SEMA5A: variants seen among roughly 807,000 people sequenced by gnomAD.
SEMA5A encodes semaphorin-5A.
Under a neutral mutation model 135.5 loss-of-function variants are expected in SEMA5A, and 55 were observed. That is an observed-to-expected ratio of 0.41 (90% CI 0.33 to 0.51). SEMA5A has a LOEUF of 0.51. SEMA5A is among the 20% of genes least tolerant of loss of function. The probability of loss-of-function intolerance (pLI) is 0.37; values close to 1 mark genes in which losing one functional copy is unlikely to be tolerated. For synonymous variants in SEMA5A, 580 were observed against 546.5 expected (o/e 1.06, Z -0.85); for missense variants, 1,290 against 1,419.9 (o/e 0.91, Z 1.47).
intron 15 of SEMA5A, among the ~76,000 whole-genome samples, 195 bp from the exon 16 acceptor site, chr5:9,108,482 G>A (rs1262151789): frequency 6.6e-6 from 1 of 152,152 alleles, no homozygotes; most frequent in African/African-American, 2.4e-5. Flanking sequence ...CACAGACAAT[G>A]GGATGCATGG....
At chr5:9,355,858 T>C (rs1308528921) in intron 3 of SEMA5A, among the ~76,000 whole-genome samples, 2 of 152,166 alleles carry the variant, frequency 1.3e-5, no homozygotes, top group African/African-American at 4.8e-5. Flanking sequence ...AATGAATGAA[T>C]AAAGCCCACA....
At chr5:9,234,206 G>A (rs749971981) in intron 6 of SEMA5A, among the ~76,000 whole-genome samples, 15 of 152,302 alleles carry the variant, frequency 9.8e-5, no homozygotes, top group African/African-American at 3.4e-4. Context: ...ATGGGGAAAT[G>A]TGGGTTGTCT....
At chr5:9,386,123 T>A (rs140382094) in intron 2 of SEMA5A, among the ~76,000 whole-genome samples, 2 of 152,292 alleles carry the variant, frequency 1.3e-5, no homozygotes, top group Non-Finnish European at 2.9e-5. Flanking sequence ...CAAATGTTTG[T>A]TTTTGCATTT....
chr5:9,237,468 T>A (rs949443021), intron 6 of SEMA5A, among the ~76,000 whole-genome samples: 1 of 152,224 alleles, frequency 6.6e-6, no homozygotes, highest in African/African-American at 2.4e-5. Context: ...GTCATATCAT[T>A]ACTTTCTAGA....
chr5:9,112,936 C>T (rs139216158), intron 15 of SEMA5A, among the ~76,000 whole-genome samples: 1,563 of 152,274 alleles, frequency 0.01, 11 homozygotes, highest in Middle Eastern at 0.02. Context: ...ACCCAGTTGT[C>T]AAGGAATTGA....
At chr5:9,214,157 G>A (rs551887915) in intron 8 of SEMA5A, among the ~76,000 whole-genome samples, 55 of 152,274 alleles carry the variant, frequency 3.6e-4, no homozygotes, top group African/African-American at 1.1e-3. Flanking sequence ...GGCAGAATGC[G>A]CCCCCGAAAC....
At chr5:9,269,070 C>G (rs1242573545) in intron 5 of SEMA5A, among the ~76,000 whole-genome samples, 1 of 152,102 alleles carries the variant, frequency 6.6e-6, no homozygotes, top group Non-Finnish European at 1.5e-5. Flanking sequence ...CATCCCTCTG[C>G]AACAACACAC....
At chr5:9,045,171 T>A (rs193123990) in intron 21 of SEMA5A, among the ~76,000 whole-genome samples, 10 of 152,246 alleles carry the variant, frequency 6.6e-5, no homozygotes, top group Non-Finnish European at 1.0e-4. Context: ...AGAAGCATGT[T>A]TTTATTATTA....
At chr5:9,421,466 G>A (rs1757465950) in intron 2 of SEMA5A, among the ~76,000 whole-genome samples, 1 of 152,118 alleles carries the variant, frequency 6.6e-6, no homozygotes. Flanking sequence ...ATATATGTAT[G>A]CTGGTATTTT....
intron 15 of SEMA5A, among the ~76,000 whole-genome samples, chr5:9,110,661 G>T (rs376827506): frequency 1.1e-4 from 17 of 152,302 alleles, no homozygotes; most frequent in South Asian, 8.3e-4. Flanking sequence ...TGATGTGTAG[G>T]GGGTGAAGGA....
chr5:9,275,693 C>T (rs1314585394), intron 5 of SEMA5A, among the ~76,000 whole-genome samples: 2 of 152,084 alleles, frequency 1.3e-5, no homozygotes, highest in African/African-American at 2.4e-5. Flanking sequence ...ACAAATCAGT[C>T]AAGGTAATCC....
rs550493529 is a variant in SEMA5A, at chr5:9,379,687, C to T, written c.124+136G>A. On this transcript the variant is annotated intron_variant, in intron 3 of 22. Transcript: ENST00000382496. ...AATGATAGAGGCTTTTGTAGTTTTA[C>T]CTTTATTTTAAACTGTGTCTGAAAC... The T allele has an allele frequency of 6.4e-6, 7 of 1,092,332 alleles. No individual in the cohort carries two copies. In the East Asian group the frequency reaches 1.7e-4, roughly 27 times the overall value. The allele number at this position is 1,092,332 out of a possible 1,614,324, so 67.7% of individuals were successfully genotyped here.
chr5:9,197,762 GTGTGTGTGTGTGTGTGTGTGTGTTTT>G (rs1745488802), intron 9 of SEMA5A, among the ~76,000 whole-genome samples: 2 of 143,502 alleles, frequency 1.4e-5, no homozygotes, highest in East Asian at 2.2e-4. Flanking sequence ...GTGTGTGTGT[GTGTGTGTGTGTGTGTGTGTGTGTTTT>G]AACCCAGATA....
intron 18 of SEMA5A, among the ~76,000 whole-genome samples, chr5:9,060,471 G>A (rs547771265): frequency 6.6e-5 from 10 of 152,244 alleles, no homozygotes; most frequent in East Asian, 1.9e-4. Context: ...TTCCCATGAC[G>A]TCTGCCCCTG....
At chr5:9,112,983 G>A (rs1198226058) in intron 15 of SEMA5A, among the ~76,000 whole-genome samples, 2 of 152,282 alleles carry the variant, frequency 1.3e-5, no homozygotes, top group East Asian at 1.9e-4. Context: ...AGAAACTGAG[G>A]CCCTCAGTCT....
chr5:9,279,525 A>G (rs1474896426), intron 5 of SEMA5A, among the ~76,000 whole-genome samples: 2 of 152,218 alleles, frequency 1.3e-5, no homozygotes, highest in East Asian at 3.9e-4. Context: ...TGAAAAGGAC[A>G]TAAGATTTGG....
chr5:9,488,362 T>A (rs535120637), intron 1 of SEMA5A, among the ~76,000 whole-genome samples: 1 of 152,226 alleles, frequency 6.6e-6, no homozygotes, highest in African/African-American at 2.4e-5. Flanking sequence ...TTTTACATCT[T>A]GCGTGATGTT....
rs747147008 is a variant in SEMA5A, at chr5:9,122,823, G to T, written c.1614C>A (p.Thr538=). 28 of 1,600,166 alleles carry T rather than the reference G, an allele frequency of 1.7e-5. No individual in the cohort carries two copies. In the Middle Eastern group the frequency reaches 5.0e-4, roughly 29 times the overall value. Residue 538 remains threonine, a synonymous_variant, in exon 14 of 23, where the codon ACC becomes ACA. Transcript: ENST00000382496. ...SISACPTRNL[T]VDGHFGVWSP... The stretch of plus-strand genomic sequence containing the variant: ...ACCACACACCAAAGTGCCCATCCAC[G>T]GTGAGATTCCTGGTCTAGGAAGCAA...
At chr5:9,101,590 CT>C (rs1739635102) in intron 16 of SEMA5A, among the ~76,000 whole-genome samples, 1 of 152,112 alleles carries the variant, frequency 6.6e-6, no homozygotes, top group African/African-American at 2.4e-5. Flanking sequence ...ATTTCTTAAA[CT>C]TTATTTTAGA....
Sources: allele counts gnomAD v4.1 joint callset (sites outside exome capture counted in the v4.1 genomes callset), GRCh38; gene constraint gnomAD v4.1.1; transcripts MANE v1.5; gene names NCBI Gene and HGNC (gene_info 2026-07-23, HGNC 2026-07-21).